INVS: variants seen among roughly 807,000 people sequenced by gnomAD.
The protein encoded by INVS is inversion of embryo turning homolog.
A neutral mutation model predicts 108.8 loss-of-function variants in INVS; 86 were observed. The ratio of observed to expected loss-of-function variants is 0.79; its 90% CI spans 0.66 to 0.95. The LOEUF is 0.95. INVS is among the 40% of genes least tolerant of loss of function. The probability of loss-of-function intolerance (pLI) is 0.00; values close to 1 mark genes in which losing one functional copy is unlikely to be tolerated. For synonymous variants in INVS, 455 were observed against 473.5 expected (o/e 0.96, Z 0.51); for missense variants, 1,169 against 1,297.4 (o/e 0.90, Z 1.52).
intron 8 of INVS, among the ~76,000 whole-genome samples, chr9:100,250,176 A>G (rs558687912): frequency 2.6e-5 from 4 of 152,314 alleles, no homozygotes; most frequent in African/African-American, 9.6e-5. Context: ...GTAAGTTTAT[A>G]TAGAAACTTA....
intron 5 of INVS, among the ~76,000 whole-genome samples, chr9:100,232,691 C>T (rs1333425533): frequency 2.0e-5 from 3 of 152,098 alleles, no homozygotes; most frequent in Non-Finnish European, 4.4e-5. Flanking sequence ...TCTGAGGCCT[C>T]TGTTCTGTTC....
At position 100,104,488 on chromosome 9, in the gene INVS, A is replaced by G; in HGVS notation, c.-24-10A>G. 6.8e-7 allele frequency: 1 copy of G among 1,463,426 alleles called. No individual in the cohort carries two copies. Among genetic ancestry groups the G allele is most frequent in the Non-Finnish European group, 9.6e-7 (1 of 1,043,330 alleles). 90.7% of individuals were successfully genotyped at this position (1,463,426 alleles called of 1,614,324 possible). Reference sequence around the variant, plus strand: ...GCTGCATGCGCTCATTGTCTGAATCATTGTTTCAGGTTGCTCCGGTTGCTA... The same window carrying G: ...GCTGCATGCGCTCATTGTCTGAATCGTTGTTTCAGGTTGCTCCGGTTGCTA... On this transcript the variant is annotated splice_polypyrimidine_tract_variant and intron_variant, in intron 1 of 16. Transcript: ENST00000262457.
At chr9:100,190,263 G>A (rs534948720) in intron 3 of INVS, among the ~76,000 whole-genome samples, 3 of 152,140 alleles carry the variant, frequency 2.0e-5, no homozygotes, top group South Asian at 2.1e-4. Context: ...CCTTGAGTCT[G>A]TAAGAATCTT....
At chr9:100,238,228 A>G (rs1402627142) in intron 5 of INVS, among the ~76,000 whole-genome samples, 1 of 152,000 alleles carries the variant, frequency 6.6e-6, no homozygotes, top group Admixed American at 6.6e-5. Flanking sequence ...AAAAAAAATG[A>G]TTATCCTGTG....
intron 3 of INVS, among the ~76,000 whole-genome samples, chr9:100,156,301 C>G (rs1010652414): frequency 1.4e-5 from 2 of 141,134 alleles, no homozygotes; most frequent in Non-Finnish European, 3.0e-5. Context: ...CACTCTGTCT[C>G]TCAGTCTGGA....
rs536014193 is a variant in INVS, at chr9:100,249,587, C to T, written c.1079-2696C>T. Among the ~76,000 whole-genome samples, 8 of 151,862 alleles carry T rather than the reference C, an allele frequency of 5.3e-5. No individual in the cohort carries two copies. In the South Asian group the frequency reaches 1.2e-3, roughly 24 times the overall value. On this transcript the variant is annotated intron_variant, in intron 8 of 16. Transcript: ENST00000262457. ...TCAGCTCACTGCAACCTCCACCTCC[C>T]GGGTTCAAGTGATTCTTCTGTCTCA... is the stretch of plus-strand genomic sequence containing the variant.
At chr9:100,218,316 T>C (rs1348513163) in intron 3 of INVS, among the ~76,000 whole-genome samples, 4 of 152,148 alleles carry the variant, frequency 2.6e-5, no homozygotes, top group African/African-American at 2.4e-5. Context: ...TTGGAAAACA[T>C]GTAGGTCCCA....
At chr9:100,182,160 C>T (rs758120798) in intron 3 of INVS, among the ~76,000 whole-genome samples, 13 of 152,044 alleles carry the variant, frequency 8.6e-5, no homozygotes, top group South Asian at 2.1e-4. Context: ...ACCATAAAAA[C>T]GCTAGAAGAA....
intron 2 of INVS, among the ~76,000 whole-genome samples, chr9:100,107,713 C>T (rs1019419009): frequency 1.3e-5 from 2 of 152,170 alleles, no homozygotes; most frequent in Admixed American, 6.5e-5. Flanking sequence ...TCTTGGCCCT[C>T]TGTAGTTTTT....
intron 3 of INVS, among the ~76,000 whole-genome samples, chr9:100,190,306 A>G (rs1041551236): frequency 6.6e-6 from 1 of 151,986 alleles, no homozygotes; most frequent in African/African-American, 2.4e-5. Flanking sequence ...AATACAGCAG[A>G]TATTTGGTTT....
At chr9:100,229,484 C>T (rs1273500817) in intron 4 of INVS, among the ~76,000 whole-genome samples, 176 bp from the exon 5 acceptor site, 1 of 152,042 alleles carries the variant, frequency 6.6e-6, no homozygotes, top group Non-Finnish European at 1.5e-5. Flanking sequence ...CTGGAATGTT[C>T]TATTTAATAT....
chr9:100,231,270 G>A (rs918280854), intron 5 of INVS, among the ~76,000 whole-genome samples: 1 of 152,038 alleles, frequency 6.6e-6, no homozygotes, highest in East Asian at 1.9e-4. Flanking sequence ...GTATTATTTT[G>A]TATATGCAAT....
intron 13 of INVS, among the ~76,000 whole-genome samples, chr9:100,287,231 C>A (rs1276830692): frequency 1.3e-5 from 2 of 152,202 alleles, no homozygotes; most frequent in Non-Finnish European, 2.9e-5. Context: ...GTAGACTAGA[C>A]TGGCTTCCTT....
At chr9:100,297,179 A>T (rs1240107163) in intron 15 of INVS, 33 bp downstream of exon 15, 7 of 1,537,470 alleles carry the variant, frequency 4.6e-6, no homozygotes, top group Non-Finnish European at 6.3e-6. Flanking sequence ...TGTAGTTCAC[A>T]AGTACCCCCA....
Position 100,126,392 on chromosome 9 carries a change from C to A in INVS, c.116C>A (p.Ala39Asp). The change falls in exon 3 of 17, where the codon GCT (alanine) becomes GAT (aspartate). Residue 39 changes from alanine (A) to aspartate (D), a missense_variant. By Grantham distance (126) the Ala-to-Asp change is moderately radical (BLOSUM62 -2). This residue lies in a region of INVS where 365 missense variants were observed against 397.5 expected (regional missense o/e 0.92). Transcript: ENST00000262457. ...TTTCTTATCCTTATAGGAAACTCTG[C>A]TCTTAAAGACAAAGAAGATCAGTTT... ...ALQRLIVGNS[A>D]LKDKEDQFGR... 6.2e-7 allele frequency: 1 copy of A among 1,613,160 alleles called. No homozygotes were observed. Among genetic ancestry groups the A allele is most frequent in the Non-Finnish European group, 8.5e-7 (1 of 1,179,120 alleles).
Position 100,100,802 on chromosome 9 carries a change from TG to T in INVS, c.-25+1387del, listed in dbSNP as rs1196793114. Among the ~76,000 whole-genome samples the T allele has an allele frequency of 1.0e-3, 5 of 4,954 alleles. 2 individuals are homozygous for T. The highest frequency in any genetic ancestry group is 0.037 in the South Asian group (2 of 54). 3.3% of individuals were successfully genotyped at this position (4,954 alleles called of 152,430 possible). A position where few individuals can be genotyped will look rare whatever the true frequency, so the allele number is the denominator to read the frequency against. On this transcript the variant is annotated intron_variant, in intron 1 of 16. Transcript: ENST00000262457. ...TAATATATATTATATATATAATATATGTATATATAATATATATAATATATGT... is the reference window on the plus strand; with the variant it reads ...TAATATATATTATATATATAATATATTATATATAATATATATAATATATGT...
At chr9:100,163,573 A>T (rs777107103) in intron 3 of INVS, among the ~76,000 whole-genome samples, 6 of 152,198 alleles carry the variant, frequency 3.9e-5, no homozygotes. Context: ...TTTAAAGTAT[A>T]TATTATATCA....
intron 3 of INVS, among the ~76,000 whole-genome samples, chr9:100,144,158 C>T (rs1442303731): frequency 6.6e-6 from 1 of 152,068 alleles, no homozygotes. Context: ...GCACTTGTAG[C>T]AAGCTTCTTG....
chr9:100,210,764 T>C (rs112276913), intron 3 of INVS, among the ~76,000 whole-genome samples: 87 of 152,258 alleles, frequency 5.7e-4, no homozygotes, highest in Admixed American at 2.2e-3. Flanking sequence ...AAAATAACCA[T>C]TGAATGTTGA....
Sources: allele counts gnomAD v4.1 joint callset (sites outside exome capture counted in the v4.1 genomes callset), GRCh38; gene constraint gnomAD v4.1.1; regional missense constraint gnomAD v4.1.1; transcripts MANE v1.5; gene names NCBI Gene and HGNC (gene_info 2026-07-23, HGNC 2026-07-21).